Variants in PAPPA2 observed in about 807,000 individuals in gnomAD.
The protein encoded by PAPPA2 is pappalysin 2, also known as pappalysin-2.
In PAPPA2, 86 loss-of-function variants were observed where a neutral mutation model predicts 176.4. The observed-to-expected ratio is 0.49, with a 90% CI of 0.41 to 0.58. The LOEUF (loss-of-function observed/expected upper bound fraction) is 0.58. Ranked by LOEUF, PAPPA2 falls within the 20% of genes least tolerant of loss-of-function variation. The probability of loss-of-function intolerance (pLI) is 0.00; values close to 1 mark genes in which losing one functional copy is unlikely to be tolerated. For synonymous variants in PAPPA2, 809 were observed against 852.2 expected (o/e 0.95, Z 0.88); for missense variants, 2,073 against 2,256.9 (o/e 0.92, Z 1.65).
At chr1:176,675,014 T>G (rs753245860) in intron 4 of PAPPA2, among the ~76,000 whole-genome samples, 2 of 152,260 alleles carry the variant, frequency 1.3e-5, no homozygotes, top group South Asian at 4.1e-4. Context: ...GGTTTTGATA[T>G]GCATTCCATC....
intron 3 of PAPPA2, among the ~76,000 whole-genome samples, chr1:176,602,846 A>G (rs1490415729): frequency 6.6e-6 from 1 of 152,200 alleles, no homozygotes; most frequent in Non-Finnish European, 1.5e-5. Flanking sequence ...GGTTCCATAG[A>G]TAAGCACAAT....
chr1:176,475,541 ACT>A (rs1266691211), intron 1 of PAPPA2, among the ~76,000 whole-genome samples: 3 of 152,124 alleles, frequency 2.0e-5, no homozygotes, highest in African/African-American at 7.2e-5. Flanking sequence ...CCTGGGAATA[ACT>A]CTGGCTACAG....
At chr1:176,512,871 A>C (rs919546364) in intron 1 of PAPPA2, among the ~76,000 whole-genome samples, 3 of 152,210 alleles carry the variant, frequency 2.0e-5, no homozygotes, top group East Asian at 3.8e-4. Context: ...TAAGAGGTGC[A>C]ACAACAGGTC....
intron 17 of PAPPA2, among the ~76,000 whole-genome samples, chr1:176,772,138 G>A (rs1414333554): frequency 6.6e-6 from 1 of 152,136 alleles, no homozygotes; most frequent in Non-Finnish European, 1.5e-5. Flanking sequence ...TTTTCTGAGT[G>A]AACGAAAAGC....
In PAPPA2 at chr1:176,473,324, C is replaced by A. The variant is rs1651969649; in HGVS notation, c.-917+9906C>A. On this transcript the variant is annotated intron_variant, in intron 1 of 22. Coordinates refer to ENST00000367662, the MANE Select transcript of PAPPA2 (RefSeq NM_020318.3). ...CGGATTGGCTTCTTTCACTTAGTAACAGGCATTTAAGTTTCTTTCATGTCT... is the reference window on the plus strand; with the variant it reads ...CGGATTGGCTTCTTTCACTTAGTAAAAGGCATTTAAGTTTCTTTCATGTCT... Among the ~76,000 whole-genome samples the A allele has an allele frequency of 2.6e-5, 4 of 152,130 alleles. No homozygotes were observed. In the South Asian group the frequency reaches 8.3e-4, roughly 32 times the overall value.
intron 14 of PAPPA2, among the ~76,000 whole-genome samples, chr1:176,745,179 A>G (rs1252363087): frequency 1.3e-5 from 2 of 152,184 alleles, no homozygotes; most frequent in African/African-American, 2.4e-5. Flanking sequence ...GCCAACGGGT[A>G]TCATGTTACA....
chr1:176,827,791 C>G (rs1305156208), intron 21 of PAPPA2, among the ~76,000 whole-genome samples: 1 of 152,102 alleles, frequency 6.6e-6, no homozygotes, highest in East Asian at 1.9e-4. Flanking sequence ...TCCCAGGATT[C>G]TAGCAACTAA....
intron 3 of PAPPA2, among the ~76,000 whole-genome samples, chr1:176,660,751 G>GCAAA (rs1658318061): frequency 1.3e-5 from 2 of 152,068 alleles, no homozygotes; most frequent in Non-Finnish European, 1.5e-5. Flanking sequence ...AATAAAATGT[G>GCAAA]ATTAGTTTTG....
chr1:176,740,321 A>T, intron 14 of PAPPA2, 125 bp downstream of exon 14: 1 of 972,298 alleles, frequency 1.0e-6, no homozygotes, highest in South Asian at 1.7e-5. Context: ...TTTAGGAACT[A>T]CTAAAAAGAC....
In PAPPA2 at chr1:176,771,069, A is replaced by G. The variant is rs778781725; in HGVS notation, c.4604A>G (p.Asn1535Ser). The G allele has an allele frequency of 1.9e-6, 3 of 1,614,104 alleles. No homozygotes were observed. Among genetic ancestry groups the G allele is most frequent in the South Asian group, 2.2e-5 (2 of 91,074 alleles). Residue 1535 changes from asparagine (N) to serine (S), a missense_variant, in exon 17 of 23, where the codon AAC becomes AGC. Physicochemically the swap from Asn to Ser is conservative, Grantham distance 46. Around this residue, in one of 4 missense-constraint regions of PAPPA2, gnomAD observed 846 missense variants for 857.9 expected, o/e 0.99. Coordinates refer to ENST00000367662, the MANE Select transcript of PAPPA2 (RefSeq NM_020318.3). ...CDAPPIILNA[N>S]LLLPHCLQDN... ...GCTCCCCCTATTATTCTGAATGCCA[A>G]CTTGCTCCTGCCTCACTGCCTCCAG...
intron 3 of PAPPA2, chr1:176,616,179 T>TA: frequency 2.8e-6 from 1 of 359,070 alleles, no homozygotes; most frequent in Admixed American, 3.2e-5. Flanking sequence ...TCATTAGACT[T>TA]ACTCGCTAAG....
Position 176,839,938 on chromosome 1 carries a change from C to G in PAPPA2, c.5203-235C>G, listed in dbSNP as rs1311458254. Among the ~76,000 whole-genome samples the G allele has an allele frequency of 2.0e-5, 3 of 152,104 alleles. No individual in the cohort carries two copies. The East Asian group carries it at 5.8e-4, about 29-fold the overall frequency. On this transcript the variant is annotated intron_variant, in intron 21 of 22. Transcript: ENST00000367662. ...AGAGTTTAAATGACGTATCTCAGAC[C>G]TTAGAGTAGGCCAGGAGCAGTGCTG...
chr1:176,825,270 C>T (rs1318360948), intron 21 of PAPPA2, among the ~76,000 whole-genome samples: 2 of 152,110 alleles, frequency 1.3e-5, no homozygotes, highest in Admixed American at 6.5e-5. Flanking sequence ...TGCACAGAGC[C>T]GGCTTTTCCG....
chr1:176,773,318 G>A lies in PAPPA2; in HGVS notation c.4715+2138G>A, dbSNP rs796073560. 9.3e-4 allele frequency among the ~76,000 whole-genome samples: 142 copies of A among 152,288 alleles called. 3 individuals carry two copies. The highest frequency in any genetic ancestry group is 7.4e-5 in the Non-Finnish European group (5 of 68,026). On this transcript the variant is annotated intron_variant, in intron 17 of 22. Coordinates refer to ENST00000367662, the MANE Select transcript of PAPPA2 (RefSeq NM_020318.3). ...TAAATCACTGCCACTTGCTGCTCAT[G>A]TTTACTCAGTGAACTATGTCAGCCT...
At chr1:176,718,281 AC>A (rs1571222134) in intron 12 of PAPPA2, among the ~76,000 whole-genome samples, 1 of 151,998 alleles carries the variant, frequency 6.6e-6, no homozygotes, top group East Asian at 1.9e-4. Context: ...GATATTTTTC[AC>A]TCATGCTATT....
intron 12 of PAPPA2, among the ~76,000 whole-genome samples, chr1:176,716,979 A>C (rs1558539315): frequency 6.6e-6 from 1 of 152,128 alleles, no homozygotes; most frequent in Non-Finnish European, 1.5e-5. Context: ...GACTCAAAAA[A>C]TGAAAACACC....
chr1:176,819,992 A>G (rs1666592062), intron 21 of PAPPA2, among the ~76,000 whole-genome samples: 1 of 152,170 alleles, frequency 6.6e-6, no homozygotes, highest in Admixed American at 6.5e-5. Flanking sequence ...ACTTGGGGTA[A>G]CTTTCCTTCA....
At chr1:176,574,904 T>C (rs1573063883) in intron 2 of PAPPA2, among the ~76,000 whole-genome samples, 2 of 152,220 alleles carry the variant, frequency 1.3e-5, no homozygotes, top group Non-Finnish European at 2.9e-5. Flanking sequence ...TCACATGCTT[T>C]ACAGGTTTGT....
chr1:176,530,792 G>A (rs1649768306), intron 1 of PAPPA2, among the ~76,000 whole-genome samples: 1 of 152,068 alleles, frequency 6.6e-6, no homozygotes, highest in Non-Finnish European at 1.5e-5. Flanking sequence ...TCTATATTAG[G>A]GGCATACATT....
Sources: gnomAD v4.1 joint callset for allele counts (sites outside exome capture counted in the v4.1 genomes callset) on GRCh38, gnomAD v4.1.1 for gene constraint, gnomAD v4.1.1 regional missense constraint, MANE v1.5 for transcripts, NCBI Gene and HGNC (gene_info 2026-07-23, HGNC 2026-07-21) for gene names.